Variants in ROBO2 observed in about 807,000 individuals in gnomAD.
ROBO2 encodes roundabout guidance receptor 2.
ROBO2 carries 53 observed loss-of-function variants against 160.8 expected under a neutral mutation model. The ratio of observed to expected loss-of-function variants is 0.33; its 90% CI spans 0.26 to 0.41. The LOEUF (loss-of-function observed/expected upper bound fraction) is 0.41, where lower values mean the gene tolerates loss of function less well. Ranked by LOEUF, ROBO2 falls within the 10% of genes least tolerant of loss-of-function variation. The probability of loss-of-function intolerance (pLI) is 1.00; values close to 1 mark genes in which losing one functional copy is unlikely to be tolerated. For synonymous variants in ROBO2, 664 were observed against 611.7 expected, an observed-to-expected ratio of 1.09 and a Z score of -1.26; for missense variants, 1,577 against 1,722.4, an observed-to-expected ratio of 0.92 and a Z score of 1.49.
intron 2 of ROBO2, among the ~76,000 whole-genome samples, chr3:76,516,978 T>C (rs3901063): frequency 0.3 from 45,828 of 152,080 alleles, 8,554 homozygotes; most frequent in Non-Finnish European, 0.41. Flanking sequence ...AGTGAAAGAA[T>C]GGAGATGAGA....
At position 77,602,495 on chromosome 3, in the gene ROBO2, A is replaced by C. The variant is rs765384317; in HGVS notation, c.3136+4A>C. 3 of 1,614,134 alleles carry C rather than the reference A, an allele frequency of 1.9e-6. No individual in the cohort carries two copies. The highest frequency in any genetic ancestry group is 1.1e-5 in the South Asian group (1 of 91,082). ...GATCAGAACAAAGGTAACAATGGTGAGTCAGGTTCTTGTGTCCTGAGGAGG... is the reference window on the plus strand; with the variant it reads ...GATCAGAACAAAGGTAACAATGGTGCGTCAGGTTCTTGTGTCCTGAGGAGG... On this transcript the variant is annotated splice_donor_region_variant and intron_variant, in intron 20 of 25. Coordinates refer to ENST00000461745, the Ensembl canonical transcript of ROBO2.
chr3:76,407,639 G>A (rs2075276975), intron 2 of ROBO2, among the ~76,000 whole-genome samples: 1 of 151,818 alleles, frequency 6.6e-6, no homozygotes, highest in Non-Finnish European at 1.5e-5. Flanking sequence ...GAAATCAGAT[G>A]GAATATGAAG....
chr3:76,552,446 A>G (rs2083475435), intron 2 of ROBO2, among the ~76,000 whole-genome samples: 1 of 152,210 alleles, frequency 6.6e-6, no homozygotes, highest in Admixed American at 6.5e-5. Context: ...TTCATCTTAG[A>G]AGAAGTAACC....
At chr3:75,998,110 A>G (rs1044580143) in intron 2 of ROBO2, among the ~76,000 whole-genome samples, 54 of 152,304 alleles carry the variant, frequency 3.5e-4, no homozygotes, top group African/African-American at 1.1e-3. Flanking sequence ...ATCATTCTAT[A>G]TCTACATAAA....
chr3:76,270,084 A>G (rs1707339615), intron 2 of ROBO2, among the ~76,000 whole-genome samples: 1 of 152,172 alleles, frequency 6.6e-6, no homozygotes, highest in South Asian at 2.1e-4. Context: ...ATATTGATGG[A>G]GGAGTTTAAG....
chr3:76,234,227 CT>C (rs1704797668), intron 2 of ROBO2, among the ~76,000 whole-genome samples: 1 of 152,112 alleles, frequency 6.6e-6, no homozygotes, highest in Non-Finnish European at 1.5e-5. Context: ...CATTGATGGG[CT>C]TTTAGGTTGA....
At chr3:76,473,109 T>C (rs2078754471) in intron 2 of ROBO2, among the ~76,000 whole-genome samples, 1 of 152,170 alleles carries the variant, frequency 6.6e-6, no homozygotes, top group Non-Finnish European at 1.5e-5. Flanking sequence ...GGAGTACACA[T>C]CAACACTCCA....
At chr3:77,510,228 C>T (rs989590340) in intron 5 of ROBO2, among the ~76,000 whole-genome samples, 2 of 151,996 alleles carry the variant, frequency 1.3e-5, no homozygotes, top group Non-Finnish European at 2.9e-5. Context: ...GTTATATTAA[C>T]ATAAAATTGG....
chr3:76,454,908 A>G (rs766867926), intron 2 of ROBO2, among the ~76,000 whole-genome samples: 5 of 152,268 alleles, frequency 3.3e-5, no homozygotes, highest in Non-Finnish European at 5.9e-5. Context: ...AACATTCTAG[A>G]AAACAACCTT....
intron 2 of ROBO2, among the ~76,000 whole-genome samples, chr3:77,122,582 A>T (rs1202248963): frequency 2.0e-5 from 3 of 152,210 alleles, no homozygotes; most frequent in Admixed American, 6.5e-5. Flanking sequence ...TTAAAATCAG[A>T]TTATTATTAC....
intron 2 of ROBO2, among the ~76,000 whole-genome samples, chr3:77,349,443 A>C (rs2068056960): frequency 6.6e-6 from 1 of 152,146 alleles, no homozygotes; most frequent in Admixed American, 6.5e-5. Flanking sequence ...ATCCCTCAAG[A>C]ACCTGGAAAT....
chr3:75,994,823 A>G (rs1222143413), intron 2 of ROBO2, among the ~76,000 whole-genome samples: 10 of 152,130 alleles, frequency 6.6e-5, no homozygotes, highest in Admixed American at 2.0e-4. Flanking sequence ...CTTCCTAGAG[A>G]CTTGTTGAAT....
At chr3:75,924,728 G>A (rs1333762874) in intron 1 of ROBO2, among the ~76,000 whole-genome samples, 2 of 104,458 alleles carry the variant, frequency 1.9e-5, no homozygotes, top group Non-Finnish European at 3.5e-5. Context: ...TTGCTCTGTG[G>A]CTCAGGCTGG....
At chr3:76,639,029 CCAACTA>C (rs1162676356) in intron 2 of ROBO2, among the ~76,000 whole-genome samples, 2 of 152,040 alleles carry the variant, frequency 1.3e-5, no homozygotes, top group Non-Finnish European at 2.9e-5. Context: ...TCCAAAGACT[CCAACTA>C]CACAGACACT....
intron 2 of ROBO2, among the ~76,000 whole-genome samples, chr3:77,344,764 TGA>T (rs2067448997): frequency 6.6e-6 from 1 of 152,202 alleles, no homozygotes; most frequent in East Asian, 1.9e-4. Flanking sequence ...TAAAGATAGG[TGA>T]TGAGTACTTA....
chr3:77,398,592 AT>A (rs981245616), intron 2 of ROBO2, among the ~76,000 whole-genome samples: 2 of 150,736 alleles, frequency 1.3e-5, no homozygotes, highest in Non-Finnish European at 3.0e-5. Context: ...ATTTTAATTT[AT>A]TTTTTTTAGA....
intron 2 of ROBO2, among the ~76,000 whole-genome samples, chr3:77,029,012 T>C (rs2063150415): frequency 6.6e-6 from 1 of 152,234 alleles, no homozygotes; most frequent in African/African-American, 2.4e-5. Flanking sequence ...GTCCGGGATT[T>C]TTGTCTGGAT....
chr3:77,626,744 A>G (rs2095035876), intron 23 of ROBO2, among the ~76,000 whole-genome samples: 1 of 152,220 alleles, frequency 6.6e-6, no homozygotes, highest in African/African-American at 2.4e-5. Context: ...CTCAGTGATC[A>G]CAAAAAGGAA....
At chr3:76,102,418 A>G (rs2069735301) in intron 2 of ROBO2, among the ~76,000 whole-genome samples, 1 of 152,204 alleles carries the variant, frequency 6.6e-6, no homozygotes, top group African/African-American at 2.4e-5. Flanking sequence ...TAGTGAGAAA[A>G]AATAATACCT....
Sources: gnomAD v4.1 joint callset for allele counts (sites outside exome capture counted in the v4.1 genomes callset) on GRCh38, gnomAD v4.1.1 for gene constraint, MANE v1.5 for transcripts, NCBI Gene and HGNC (gene_info 2026-07-23, HGNC 2026-07-21) for gene names.